AKAP12: variants seen among roughly 807,000 people sequenced by gnomAD.
AKAP12 encodes the protein A-kinase anchoring protein 12, also known as A-kinase anchor protein 12.
In AKAP12, 32 loss-of-function variants were observed where a neutral mutation model predicts 79.9. That is an observed-to-expected ratio of 0.40 (90% CI 0.30 to 0.54). The LOEUF is 0.54. AKAP12 is among the 20% of genes least tolerant of loss of function. AKAP12 has a pLI of 0.48. For missense variants in AKAP12, 2,074 were observed against 2,177.0 expected (o/e 0.95, Z 0.94); for synonymous variants, 808 against 857.0 (o/e 0.94, Z 1.00).
At position 151,348,604 on chromosome 6, in the gene AKAP12, C is replaced by T. The variant is rs999435056; in HGVS notation, c.320-107C>T. ...CAGTGAGCCGAGACCACACCACTGCCCTCCAGCCGGGGCAAGAGAGTGAGG... is the reference window on the plus strand; with the variant it reads ...CAGTGAGCCGAGACCACACCACTGCTCTCCAGCCGGGGCAAGAGAGTGAGG... On this transcript the variant is annotated intron_variant, in intron 3 of 4. Transcript: ENST00000402676. 105 of 812,862 alleles carry T rather than the reference C, an allele frequency of 1.3e-4. 1 individual carries two copies. Among genetic ancestry groups the T allele is most frequent in the South Asian group, 5.2e-4 (29 of 55,886 alleles). 50.4% of individuals were successfully genotyped at this position (812,862 alleles called of 1,614,324 possible). A position where few individuals can be genotyped will look rare whatever the true frequency, so the allele number is the denominator to read the frequency against.
chr6:151,309,826 C>T (rs1284330819), intron 3 of AKAP12, among the ~76,000 whole-genome samples: 1 of 152,162 alleles, frequency 6.6e-6, no homozygotes, highest in Non-Finnish European at 1.5e-5. Flanking sequence ...TTGGGATTTT[C>T]AGTTTATACA....
intron 2 of AKAP12, among the ~76,000 whole-genome samples, chr6:151,243,764 A>G (rs568762022): frequency 2.0e-5 from 3 of 152,312 alleles, no homozygotes; most frequent in Admixed American, 1.3e-4. Context: ...CCGTTTCACA[A>G]CTGCAGGGTG....
At chr6:151,264,110 G>A (rs1212917201) in intron 2 of AKAP12, among the ~76,000 whole-genome samples, 1 of 152,066 alleles carries the variant, frequency 6.6e-6, no homozygotes, top group Non-Finnish European at 1.5e-5. Flanking sequence ...GTATGCAGAA[G>A]GGATTGAATA....
chr6:151,317,367 C>T (rs2114772947), intron 3 of AKAP12, among the ~76,000 whole-genome samples: 1 of 152,310 alleles, frequency 6.6e-6, no homozygotes, highest in East Asian at 1.9e-4. Flanking sequence ...CATGGCAGCC[C>T]TCTAAGTATT....
intron 2 of AKAP12, among the ~76,000 whole-genome samples, chr6:151,246,741 A>G (rs1797082344): frequency 6.6e-6 from 1 of 151,952 alleles, no homozygotes; most frequent in African/African-American, 2.4e-5. Flanking sequence ...TTTCATTTTC[A>G]TTTTCATTTA....
chr6:151,323,542 A>G (rs1278949975), intron 3 of AKAP12, among the ~76,000 whole-genome samples: 2 of 145,362 alleles, frequency 1.4e-5, no homozygotes, highest in Non-Finnish European at 3.0e-5. Context: ...GACAAGAGCG[A>G]GACTCCATCT....
At chr6:151,258,705 G>C (rs959730486) in intron 2 of AKAP12, among the ~76,000 whole-genome samples, 1 of 151,942 alleles carries the variant, frequency 6.6e-6, no homozygotes, top group South Asian at 2.1e-4. Context: ...GAGTGCAGTG[G>C]CACTATCTTG....
At position 151,353,622 on chromosome 6, in the gene AKAP12, T is replaced by C. The variant is rs1008176044; in HGVS notation, c.5231T>C (p.Val1744Ala). The C allele has an allele frequency of 1.1e-5, 18 of 1,613,644 alleles. No homozygotes were observed. Among genetic ancestry groups the C allele is most frequent in the Non-Finnish European group, 1.5e-5 (18 of 1,179,954 alleles). ...AAAGAGAAGGAGGATGCCCAGGAAG[T>C]AGAATTGCAGGAAGGAAAAGTGCAC... ...KQKEKEDAQE[V>A]ELQEGKVHSE... The change falls in exon 4 of 5, where the codon GTA (valine) becomes GCA (alanine). Residue 1744 changes from valine (V) to alanine (A), a missense_variant. Around this residue, in one of 3 missense-constraint regions of AKAP12, gnomAD observed 614 missense variants for 665.6 expected, o/e 0.92. Coordinates refer to ENST00000402676, the MANE Select transcript of AKAP12 (RefSeq NM_005100.4).
chr6:151,347,470 T>C (rs1778130572), intron 3 of AKAP12, among the ~76,000 whole-genome samples: 1 of 152,240 alleles, frequency 6.6e-6, no homozygotes, highest in Non-Finnish European at 1.5e-5. Flanking sequence ...GATTCCATCT[T>C]ACATTGCAAC....
intron 3 of AKAP12, among the ~76,000 whole-genome samples, chr6:151,346,163 G>T (rs1778097128): frequency 6.6e-6 from 1 of 151,920 alleles, no homozygotes; most frequent in Non-Finnish European, 1.5e-5. Flanking sequence ...TCCAATTCAG[G>T]ATCATGCCAG....
At chr6:151,318,764 C>T (rs1193158955) in intron 3 of AKAP12, among the ~76,000 whole-genome samples, 2 of 151,860 alleles carry the variant, frequency 1.3e-5, no homozygotes, top group Middle Eastern at 3.4e-3. Flanking sequence ...AGCAAGACCC[C>T]GTCTCTACAA....
intron 2 of AKAP12, among the ~76,000 whole-genome samples, chr6:151,273,158 C>T (rs2786749): frequency 0.63 from 96,127 of 152,008 alleles, 31,000 homozygotes; most frequent in African/African-American, 0.77. Flanking sequence ...CCGCCTGCCT[C>T]GGCCTCCCAA....
rs76939170 is a variant in AKAP12, at chr6:151,283,846, G to T, written c.163-21901G>T. Among the ~76,000 whole-genome samples the T allele has an allele frequency of 2.2e-4, 34 of 152,214 alleles. No homozygotes were observed. The East Asian group carries it at 6.4e-3, about 29-fold the overall frequency. ...CATTCTTTTTCCGTTGGCAAGTCCC[G>T]CAGGCCTCATCTCCAAAGACATTTC... is the stretch of plus-strand genomic sequence containing the variant. On this transcript the variant is annotated intron_variant, in intron 2 of 4. Transcript: ENST00000402676.
Position 151,350,212 on chromosome 6 carries a change from C to G in AKAP12, c.1821C>G (p.Val607=). ...ATGGAGAGAAAAAAAGAGAAGGTGT[C>G]ACTCCCTGGGCATCATTCAAAAAGA... ...TSDGEKKREG[V]TPWASFKKMV... The change falls in exon 4 of 5, where the codon GTC becomes GTG. Residue 607 remains valine (V), a synonymous_variant. Coordinates refer to ENST00000402676, the MANE Select transcript of AKAP12 (RefSeq NM_005100.4). The surrounding 1 kb of genome is among the most constrained non-coding windows in gnomAD (Gnocchi z 4.8). 6.2e-7 allele frequency: 1 copy of G among 1,613,864 alleles called. No individual in the cohort carries two copies.
At chr6:151,344,772 G>T (rs1368721312) in intron 3 of AKAP12, among the ~76,000 whole-genome samples, 1 of 152,068 alleles carries the variant, frequency 6.6e-6, no homozygotes, top group African/African-American at 2.4e-5. Flanking sequence ...GACCTTAAAT[G>T]ATCCACCTGC....
chr6:151,347,052 G>A (rs1048155736), intron 3 of AKAP12, among the ~76,000 whole-genome samples: 2 of 152,030 alleles, frequency 1.3e-5, no homozygotes. Context: ...GTGCCATCGT[G>A]GTGACAATGC....
intron 3 of AKAP12, among the ~76,000 whole-genome samples, chr6:151,341,061 T>C (rs1012683764): frequency 2.6e-5 from 4 of 151,004 alleles, no homozygotes; most frequent in South Asian, 2.1e-4. Flanking sequence ...TTTTTTCTTT[T>C]TTTTTTTTTT....
chr6:151,268,737 G>A (rs1245908405), intron 2 of AKAP12, among the ~76,000 whole-genome samples: 2 of 152,048 alleles, frequency 1.3e-5, no homozygotes, highest in Non-Finnish European at 2.9e-5. Flanking sequence ...CTGCCTCCTG[G>A]GTTCAAGTGA....
At chr6:151,276,847 T>G (rs1776299190) in intron 2 of AKAP12, among the ~76,000 whole-genome samples, 1 of 152,258 alleles carries the variant, frequency 6.6e-6, no homozygotes, top group Non-Finnish European at 1.5e-5. Flanking sequence ...ATTTATCTGT[T>G]TAGTAGTAAG....
Sources: allele counts gnomAD v4.1 joint callset (sites outside exome capture counted in the v4.1 genomes callset), GRCh38; gene constraint gnomAD v4.1.1; regional missense constraint gnomAD v4.1.1; non-coding constraint Gnocchi (gnomAD v3.1); transcripts MANE v1.5; gene names NCBI Gene and HGNC (gene_info 2026-07-23, HGNC 2026-07-21).